The following EXOC6B variants were observed in gnomAD, a reference collection of about 807,000 sequenced individuals.
EXOC6B encodes SEC15 homolog B.
In EXOC6B, 54 loss-of-function variants were observed where a neutral mutation model predicts 113.5. The observed-to-expected ratio is 0.48, with a 90% confidence interval of 0.38 to 0.60. The LOEUF (loss-of-function observed/expected upper bound fraction) is 0.60. Among genes scored for constraint, EXOC6B ranks in the 20% least tolerant of loss-of-function variants. The pLI is 0.00. For synonymous variants in EXOC6B, 357 were observed against 339.0 expected, an observed-to-expected ratio of 1.05 and a Z score of -0.58; for missense variants, 797 against 977.5, an observed-to-expected ratio of 0.82 and a Z score of 2.46.
intron 20 of EXOC6B, among the ~76,000 whole-genome samples, chr2:72,287,590 C>T (rs1247245078): frequency 6.6e-6 from 1 of 151,600 alleles, no homozygotes; most frequent in Non-Finnish European, 1.5e-5. Context: ...GCACAAATAA[C>T]CAATAGTAGG....
intron 20 of EXOC6B, among the ~76,000 whole-genome samples, chr2:72,187,886 G>T (rs1558996230): frequency 6.6e-6 from 1 of 152,206 alleles, no homozygotes; most frequent in Non-Finnish European, 1.5e-5. Context: ...CCTGGGGTTG[G>T]CCCCAACTTT....
At chr2:72,362,685 T>C (rs888479009) in intron 19 of EXOC6B, among the ~76,000 whole-genome samples, 1 of 152,122 alleles carries the variant, frequency 6.6e-6, no homozygotes, top group Non-Finnish European at 1.5e-5. Flanking sequence ...AACTCTACCA[T>C]AGATTACTGC....
At chr2:72,224,480 C>T (rs1422226806) in intron 20 of EXOC6B, among the ~76,000 whole-genome samples, 3 of 151,906 alleles carry the variant, frequency 2.0e-5, no homozygotes, top group Non-Finnish European at 4.4e-5. Context: ...ATCAACAGTA[C>T]AAAATTGGAA....
intron 6 of EXOC6B, among the ~76,000 whole-genome samples, chr2:72,686,802 T>C (rs1677118485): frequency 6.6e-6 from 1 of 152,160 alleles, no homozygotes; most frequent in Non-Finnish European, 1.5e-5. Context: ...CAATATGTCC[T>C]ACACAAATAG....
intron 6 of EXOC6B, among the ~76,000 whole-genome samples, chr2:72,647,218 A>C (rs537703218): frequency 1.4e-3 from 210 of 152,294 alleles, no homozygotes; most frequent in African/African-American, 5.0e-3. Context: ...TCCAACTTAC[A>C]AGGGATGTGA....
At chr2:72,747,967 C>T in intron 1 of EXOC6B, among the ~76,000 whole-genome samples, 1 of 151,916 alleles carries the variant, frequency 6.6e-6, no homozygotes, top group East Asian at 1.9e-4. Flanking sequence ...TATGTCTTAC[C>T]CATTTTATCT....
Position 72,527,696 on chromosome 2 carries a change from C to T in EXOC6B, c.916-12570G>A, listed in dbSNP as rs139538307. 9.2e-5 allele frequency among the ~76,000 whole-genome samples: 14 copies of T among 152,066 alleles called. No individual in the cohort carries two copies. The East Asian group carries it at 2.3e-3, about 25-fold the overall frequency. ...TACATTATACTATTTTATATTCTTACCAGCAACCTCACGAGCATTTGATGT... is the reference window on the plus strand; with the variant it reads ...TACATTATACTATTTTATATTCTTATCAGCAACCTCACGAGCATTTGATGT... On this transcript the variant is annotated intron_variant, in intron 8 of 21. Transcript: ENST00000272427.
chr2:72,788,628 C>T (rs1453781448), intron 1 of EXOC6B, among the ~76,000 whole-genome samples: 2 of 151,998 alleles, frequency 1.3e-5, no homozygotes, highest in African/African-American at 4.8e-5. Context: ...GAGACCCCAT[C>T]TCTACAAAAA....
intron 18 of EXOC6B, among the ~76,000 whole-genome samples, chr2:72,446,427 T>C (rs1029882501): frequency 2.0e-5 from 3 of 150,672 alleles, no homozygotes; most frequent in East Asian, 3.9e-4. Context: ...ATATACACCA[T>C]AGAATACTAT....
intron 20 of EXOC6B, among the ~76,000 whole-genome samples, chr2:72,213,408 T>G (rs947011706): frequency 7.8e-6 from 1 of 128,766 alleles, no homozygotes; most frequent in African/African-American, 2.6e-5. Context: ...GGTGGAAATA[T>G]TCCTCCTAGA....
intron 6 of EXOC6B, among the ~76,000 whole-genome samples, chr2:72,644,044 C>A (rs1021281890): frequency 6.6e-6 from 1 of 151,974 alleles, no homozygotes; most frequent in East Asian, 1.9e-4. Flanking sequence ...AGCTGAAAAC[C>A]TTGAAAAAAG....
intron 20 of EXOC6B, among the ~76,000 whole-genome samples, chr2:72,311,519 C>CT (rs920462383): frequency 5.3e-5 from 8 of 152,080 alleles, no homozygotes; most frequent in African/African-American, 1.7e-4. Flanking sequence ...CTCTGAACCA[C>CT]TTTTTCTGCC....
At position 72,798,726 on chromosome 2, in the gene EXOC6B, C is replaced by T. The variant is rs569973483; in HGVS notation, c.113+27072G>A. Among the ~76,000 whole-genome samples, 47 of 152,132 alleles carry T rather than the reference C, an allele frequency of 3.1e-4. 1 individual carries two copies. In the South Asian group the frequency reaches 9.6e-3, roughly 31 times the overall value. Reference sequence around the variant, plus strand: ...ACTGAGCCACAAAAGATAGGGAACACAGGCCAAAGCAACACCATAATTACT... The same window carrying T: ...ACTGAGCCACAAAAGATAGGGAACATAGGCCAAAGCAACACCATAATTACT... On this transcript the variant is annotated intron_variant, in intron 1 of 21. Coordinates refer to ENST00000272427, the MANE Select transcript of EXOC6B (RefSeq NM_015189.3).
At chr2:72,643,491 T>C (rs1342664973) in intron 6 of EXOC6B, among the ~76,000 whole-genome samples, 3 of 149,662 alleles carry the variant, frequency 2.0e-5, no homozygotes, top group Non-Finnish European at 4.4e-5. Flanking sequence ...GAAATCATCA[T>C]TCTCAGTAAA....
intron 8 of EXOC6B, among the ~76,000 whole-genome samples, chr2:72,554,631 G>A (rs1172703162): frequency 2.0e-5 from 3 of 152,076 alleles, no homozygotes; most frequent in Non-Finnish European, 4.4e-5. Context: ...CTTCCTGTTA[G>A]GCCTGCAGCA....
At chr2:72,460,457 A>G (rs1464245338) in intron 18 of EXOC6B, among the ~76,000 whole-genome samples, 1 of 151,976 alleles carries the variant, frequency 6.6e-6, no homozygotes, top group Non-Finnish European at 1.5e-5. Context: ...CAACCTACTC[A>G]TCTGACAAAG....
intron 20 of EXOC6B, among the ~76,000 whole-genome samples, chr2:72,219,234 C>T (rs1269389725): frequency 2.6e-5 from 4 of 151,872 alleles, no homozygotes; most frequent in African/African-American, 9.7e-5. Context: ...ACTGGTCTCA[C>T]TTTCTAAAGC....
rs1276120712 is a variant in EXOC6B, at chr2:72,306,436, TGC to T, written c.2196+28509_2196+28510del. ...TTTGTTGTACATTTTTTGTGTATTA[TGC>T]CCCACATGTGCATTAACCTAGTCCA... is the stretch of plus-strand genomic sequence containing the variant. On this transcript the variant is annotated intron_variant, in intron 20 of 21. Transcript: ENST00000272427. Among the ~76,000 whole-genome samples the T allele has an allele frequency of 3.3e-5, 5 of 152,374 alleles. No homozygotes were observed. The East Asian group carries it at 9.6e-4, about 29-fold the overall frequency.
intron 17 of EXOC6B, among the ~76,000 whole-genome samples, chr2:72,468,882 G>A (rs760394009): frequency 3.2e-4 from 49 of 151,838 alleles, no homozygotes; most frequent in Non-Finnish European, 6.8e-4. Context: ...TACATTACTT[G>A]CATAATAATC....
Sources: gnomAD v4.1 joint callset for allele counts (sites outside exome capture counted in the v4.1 genomes callset) on GRCh38, gnomAD v4.1.1 for gene constraint, MANE v1.5 for transcripts, NCBI Gene and HGNC (gene_info 2026-07-23, HGNC 2026-07-21) for gene names.